NTNG1: variants seen among roughly 807,000 people sequenced by gnomAD.
NTNG1 encodes the protein netrin G1.
NTNG1 carries 16 observed loss-of-function variants against 54.0 expected under a neutral mutation model. The ratio of observed to expected loss-of-function variants is 0.30; its 90% CI spans 0.20 to 0.45. NTNG1 has a LOEUF of 0.45. Among genes scored for constraint, NTNG1 ranks in the 20% least tolerant of loss-of-function variants. The pLI is 1.00. For missense variants in NTNG1, 530 were observed against 678.7 expected (o/e 0.78, Z 2.43); for synonymous variants, 255 against 263.1 (o/e 0.97, Z 0.30).
chr1:107,384,107 C>A (rs1671812911), intron 3 of NTNG1, among the ~76,000 whole-genome samples: 1 of 152,170 alleles, frequency 6.6e-6, no homozygotes, highest in Non-Finnish European at 1.5e-5. Flanking sequence ...GGTCACGGAG[C>A]ACCATCATAT....
intron 2 of NTNG1, among the ~76,000 whole-genome samples, chr1:107,163,632 A>G (rs1006539814): frequency 9.2e-5 from 14 of 152,226 alleles, no homozygotes; most frequent in African/African-American, 3.4e-4. Context: ...GTGATTTTAA[A>G]TTAAACGAAG....
chr1:107,234,189 C>G (rs1325092569), intron 2 of NTNG1, among the ~76,000 whole-genome samples: 3 of 152,176 alleles, frequency 2.0e-5, no homozygotes, highest in African/African-American at 7.2e-5. Context: ...GTGGCATGAT[C>G]TTGGCTCACT....
rs3064151 is a variant in NTNG1, at chr1:107,439,277, C to CGTGTGTGTGTGTGTGTGT, written c.1390+2490_1390+2507dup. Among the ~76,000 whole-genome samples the CGTGTGTGTGTGTGTGTGT allele has an allele frequency of 7.1e-3, 1,035 of 145,876 alleles. 6 individuals are homozygous for CGTGTGTGTGTGTGTGTGT. The highest frequency in any genetic ancestry group is 0.014 in the Middle Eastern group (4 of 282). On this transcript the variant is annotated intron_variant, in intron 7 of 7. Coordinates refer to ENST00000370068, the MANE Select transcript of NTNG1 (RefSeq NM_001113226.3). ...CTAACACACTGTGTTCCAGAACTTG[C>CGTGTGTGTGTGTGTGTGT]GTGTGTGTGTGTGTGTGTGTGTGTG...
intron 2 of NTNG1, among the ~76,000 whole-genome samples, chr1:107,165,517 C>T: frequency 6.6e-6 from 1 of 152,130 alleles, no homozygotes; most frequent in South Asian, 2.1e-4. Context: ...ATGCACTCAC[C>T]ATTTCATTTT....
intron 2 of NTNG1, among the ~76,000 whole-genome samples, chr1:107,159,880 C>T (rs1655284078): frequency 2.0e-5 from 3 of 152,138 alleles, no homozygotes; most frequent in African/African-American, 7.2e-5. Flanking sequence ...TGTTTGTTTC[C>T]ATTCTTGCTT....
chr1:107,279,046 A>G (rs781534242), intron 2 of NTNG1, among the ~76,000 whole-genome samples: 4 of 152,204 alleles, frequency 2.6e-5, no homozygotes, highest in African/African-American at 7.2e-5. Context: ...TGGGGTTACT[A>G]TGACTACATT....
At chr1:107,141,316 G>A (rs1277907518) in intron 1 of NTNG1, 176 bp downstream of exon 1, 3 of 150,470 alleles carry the variant, frequency 2.0e-5, no homozygotes, top group African/African-American at 7.3e-5. Context: ...GGCTCCGCGG[G>A]AGCTGCCGCC....
chr1:107,389,689 C>G (rs138225005), intron 3 of NTNG1, among the ~76,000 whole-genome samples: 2,172 of 152,314 alleles, frequency 0.014, 36 homozygotes, highest in Middle Eastern at 0.051. Context: ...CACTTGCACA[C>G]AAGTAGATGT....
chr1:107,441,745 A>C (rs1397434883), intron 7 of NTNG1, among the ~76,000 whole-genome samples: 4 of 152,114 alleles, frequency 2.6e-5, no homozygotes, highest in East Asian at 1.9e-4. Flanking sequence ...TGCTTATCAT[A>C]ATAATAATAA....
chr1:107,262,394 G>A lies in NTNG1; in HGVS notation c.247-61888G>A, dbSNP rs138586204. The stretch of plus-strand genomic sequence containing the variant: ...ATTTTGTCACAAAAGATTAAAATGT[G>A]TCAGGGAGACAAGCATAGAGATTTA... On this transcript the variant is annotated intron_variant, in intron 2 of 7. Coordinates refer to ENST00000370068, the MANE Select transcript of NTNG1 (RefSeq NM_001113226.3). Among the ~76,000 whole-genome samples, 633 of 152,324 alleles carry A rather than the reference G, an allele frequency of 4.2e-3. 5 individuals are homozygous for A. The highest frequency in any genetic ancestry group is 0.014 in the African/African-American group (596 of 41,566).
chr1:107,218,136 G>A (rs947710993), intron 2 of NTNG1, among the ~76,000 whole-genome samples: 5 of 152,140 alleles, frequency 3.3e-5, no homozygotes, highest in African/African-American at 4.8e-5. Context: ...GATCCCCACT[G>A]TTAGGTGCAT....
intron 2 of NTNG1, among the ~76,000 whole-genome samples, chr1:107,253,406 T>C (rs1662733170): frequency 6.6e-6 from 1 of 152,252 alleles, no homozygotes; most frequent in East Asian, 1.9e-4. Flanking sequence ...AAGAAACAGC[T>C]AATAAGGAAT....
intron 2 of NTNG1, among the ~76,000 whole-genome samples, chr1:107,314,695 C>T (rs78514761): frequency 0.023 from 3,499 of 152,254 alleles, 102 homozygotes; most frequent in African/African-American, 0.071. Context: ...GAGGTCTAAA[C>T]GCACATTTAC....
At position 107,161,039 on chromosome 1, in the gene NTNG1, A is replaced by G. The variant is rs1363045030; in HGVS notation, c.246+12200A>G. Among the ~76,000 whole-genome samples the G allele has an allele frequency of 2.6e-5, 4 of 152,238 alleles. No homozygotes were observed. The East Asian group carries it at 7.7e-4, about 29-fold the overall frequency. On this transcript the variant is annotated intron_variant, in intron 2 of 7. Transcript: ENST00000370068. Reference sequence around the variant, plus strand: ...CTTTCTGACTATCAGACTATAACTGATATCTCATAGGTTATATATTTGCTC... The same window carrying G: ...CTTTCTGACTATCAGACTATAACTGGTATCTCATAGGTTATATATTTGCTC...
At chr1:107,402,857 C>T (rs949565161) in intron 4 of NTNG1, among the ~76,000 whole-genome samples, 2 of 152,116 alleles carry the variant, frequency 1.3e-5, no homozygotes, top group Non-Finnish European at 2.9e-5. Flanking sequence ...TAGTTACCCA[C>T]TTGATGGGTT....
chr1:107,160,169 C>T (rs1018761160), intron 2 of NTNG1, among the ~76,000 whole-genome samples: 2 of 152,130 alleles, frequency 1.3e-5, no homozygotes, highest in African/African-American at 4.8e-5. Flanking sequence ...GCAGTTTAAA[C>T]TTAATGTGTT....
chr1:107,204,962 A>G (rs1659067146), intron 2 of NTNG1, among the ~76,000 whole-genome samples: 1 of 152,118 alleles, frequency 6.6e-6, no homozygotes, highest in Admixed American at 6.6e-5. Flanking sequence ...ATCTTGGTCC[A>G]GTTCCTCACT....
chr1:107,324,956 G>A (rs1205183720), intron 3 of NTNG1, 34 bp downstream of exon 3: 7 of 1,563,424 alleles, frequency 4.5e-6, no homozygotes, highest in East Asian at 4.5e-5. Context: ...CAATGGGAAC[G>A]GGTGTGTCCA....
intron 2 of NTNG1, among the ~76,000 whole-genome samples, chr1:107,272,276 A>C (rs780907188): frequency 1.3e-5 from 2 of 152,126 alleles, no homozygotes; most frequent in African/African-American, 4.8e-5. Flanking sequence ...TTCTCGAATA[A>C]TGTTTTTTCC....
Sources: gnomAD v4.1 joint callset for allele counts (sites outside exome capture counted in the v4.1 genomes callset) on GRCh38, gnomAD v4.1.1 for gene constraint, MANE v1.5 for transcripts, NCBI Gene and HGNC (gene_info 2026-07-23, HGNC 2026-07-21) for gene names.